APOB: variants seen among roughly 807,000 people sequenced by gnomAD.
APOB encodes the protein apolipoprotein B-100.
APOB carries 153 observed loss-of-function variants against 314.1 expected under a neutral mutation model. The ratio of observed to expected loss-of-function variants is 0.49; its 90% CI spans 0.43 to 0.56. APOB has a LOEUF of 0.56. Among genes scored for constraint, APOB ranks in the 20% least tolerant of loss-of-function variants. The probability of loss-of-function intolerance (pLI) is 0.00; values close to 1 mark genes in which losing one functional copy is unlikely to be tolerated. For missense variants in APOB, 5,430 were observed against 5,350.7 expected (o/e 1.01, Z -0.46); for synonymous variants, 2,087 against 2,036.4 (o/e 1.02, Z -0.67).
At chr2:21,041,699 A>G (rs1664135921) in intron 3 of APOB, among the ~76,000 whole-genome samples, 1 of 152,190 alleles carries the variant, frequency 6.6e-6, no homozygotes, top group Non-Finnish European at 1.5e-5. Context: ...ACGAATATGA[A>G]TTTTTAATTT....
Position 21,007,223 on chromosome 2 carries a change from T to G in APOB, c.9645A>C (p.Ala3215=), listed in dbSNP as rs1572779577. ...DRHFEKNRNN[A]LDFVTKSYNE... is the part of the protein sequence containing the mutation. ...TATAGGATTTGGTGACAAAATCTAA[T>G]GCATTGTTTCTGTTTTTTTCAAAAT... The change falls in exon 26 of 29, where the codon GCA becomes GCC. Residue 3215 remains alanine, a synonymous_variant. Transcript: ENST00000233242. 2.5e-6 allele frequency: 4 copies of G among 1,613,820 alleles called. No individual in the cohort carries two copies. The Admixed American group carries it at 6.7e-5, about 27-fold the overall frequency.
At chr2:21,038,390 G>T (rs1172416793) in intron 4 of APOB, among the ~76,000 whole-genome samples, 1 of 151,616 alleles carries the variant, frequency 6.6e-6, no homozygotes, top group African/African-American at 2.4e-5. Flanking sequence ...GGGCTGGAGT[G>T]CAATGGCGCA....
Position 21,012,060 on chromosome 2 carries a change from T to G in APOB, c.4808A>C (p.Gln1603Pro). The change falls in exon 26 of 29, where the codon CAG (glutamine) becomes CCG (proline). Residue 1603 changes from glutamine (Q) to proline (P), a missense_variant. Physicochemically the swap from Gln to Pro is moderately conservative, Grantham distance 76. Around this residue, in one of 3 missense-constraint regions of APOB, gnomAD observed 2,085 missense variants for 2,079.7 expected, o/e 1.00. Coordinates refer to ENST00000233242, the MANE Select transcript of APOB (RefSeq NM_000384.3). The part of the protein sequence containing the change: ...KQNALLRSEY[Q>P]ADYESLRFFS... Reference sequence around the variant, plus strand: ...GAACCTCAATGACTCGTAATCAGCCTGATATTCAGAACGCAGCAGTGCATT... The same window carrying G: ...GAACCTCAATGACTCGTAATCAGCCGGATATTCAGAACGCAGCAGTGCATT... 6.2e-7 allele frequency: 1 copy of G among 1,614,240 alleles called. No individual in the cohort carries two copies. Among genetic ancestry groups the G allele is most frequent in the Non-Finnish European group, 8.5e-7 (1 of 1,180,046 alleles).
Position 21,006,932 on chromosome 2 carries a change from A to C in APOB, c.9936T>G (p.Asn3312Lys). The change falls in exon 26 of 29, where the codon AAT becomes AAG. Residue 3312 changes from asparagine to lysine, a missense_variant. Coordinates refer to ENST00000233242, the MANE Select transcript of APOB (RefSeq NM_000384.3). ...TGAAATCTGGAAGAGAAAGCTTGAG[A>C]TTTCTAGGGACATGAAGGACTGGCA... ...LELPVLHVPR[N>K]LKLSLPDFKE... 1 of 1,614,070 alleles carries C rather than the reference A, an allele frequency of 6.2e-7. No individual in the cohort carries two copies. The highest frequency in any genetic ancestry group is 2.2e-5 in the East Asian group (1 of 44,884).
intron 17 of APOB, 71 bp from the exon 18 acceptor site, chr2:21,023,113 C>T: frequency 1.5e-6 from 2 of 1,323,758 alleles, no homozygotes; most frequent in Admixed American, 3.4e-5. Context: ...ATCAACCACC[C>T]TTTCTCACCT....
At chr2:21,027,786 T>C in intron 14 of APOB, 42 bp downstream of exon 14, 1 of 1,465,672 alleles carries the variant, frequency 6.8e-7, no homozygotes, top group Non-Finnish European at 9.6e-7. Context: ...TTTATGATGC[T>C]GTACAAAATG....
At chr2:21,017,823 C>A (rs1445549546) in intron 20 of APOB, among the ~76,000 whole-genome samples, 3 of 152,222 alleles carry the variant, frequency 2.0e-5, no homozygotes, top group Non-Finnish European at 4.4e-5. Context: ...GCGTGCCCTG[C>A]TCCTCCAGTG....
intron 4 of APOB, among the ~76,000 whole-genome samples, chr2:21,040,314 G>T (rs374320002): frequency 6.6e-6 from 1 of 152,192 alleles, no homozygotes; most frequent in Admixed American, 6.5e-5. Context: ...TACAGACAGA[G>T]TTTTCTGATG....
chr2:21,036,061 G>T (rs149262007), intron 6 of APOB, among the ~76,000 whole-genome samples: 52 of 152,184 alleles, frequency 3.4e-4, no homozygotes, highest in African/African-American at 1.1e-3. Flanking sequence ...TGCATTTTTT[G>T]GGTTCCTGCT....
Position 21,010,488 on chromosome 2 carries a change from T to G in APOB, c.6380A>C (p.Asn2127Thr). The G allele has an allele frequency of 6.2e-7, 1 of 1,610,816 alleles. No individual in the cohort carries two copies. Among genetic ancestry groups the G allele is most frequent in the East Asian group, 2.2e-5 (1 of 44,806 alleles). ...AACTTGTCTCTCCCAATTGAATGAA[T>G]TCAGATAATCATTAGCTTGCTGTGG... ...KLPQQANDYL[N>T]SFNWERQVSH... is the part of the protein sequence containing the mutation. The change falls in exon 26 of 29, where the codon AAT becomes ACT. Residue 2127 changes from asparagine (N) to threonine (T), a missense_variant. Coordinates refer to ENST00000233242, the MANE Select transcript of APOB (RefSeq NM_000384.3).
At chr2:21,038,451 C>T (rs1664058529) in intron 4 of APOB, among the ~76,000 whole-genome samples, 1 of 152,152 alleles carries the variant, frequency 6.6e-6, no homozygotes, top group Admixed American at 6.5e-5. Flanking sequence ...ATTCTCCTGC[C>T]TCAGCCTCCG....
Position 21,043,541 on chromosome 2 carries a change from C to T in APOB, c.93G>A (p.Met31Ile). Residue 31 changes from methionine (M) to isoleucine (I), a missense_variant, in exon 2 of 29, where the codon ATG becomes ATA. Coordinates refer to ENST00000233242, the MANE Select transcript of APOB (RefSeq NM_000384.3). ...LLAGARAEEE[M>I]LENVSLVCPK... is the part of the protein sequence containing the mutation. ...GACAGACCAGGCTGACATTTTCCAG[C>T]ATTTCCTCTTCTGTAAGACAGGAGA... The T allele has an allele frequency of 3.1e-6, 5 of 1,604,590 alleles. No homozygotes were observed. Among genetic ancestry groups the T allele is most frequent in the Non-Finnish European group, 4.3e-6 (5 of 1,175,654 alleles).
chr2:21,015,230 G>A lies in APOB; in HGVS notation c.3539C>T (p.Thr1180Ile). 6.2e-7 allele frequency: 1 copy of A among 1,614,212 alleles called. No homozygotes were observed. Among genetic ancestry groups the A allele is most frequent in the South Asian group, 1.1e-5 (1 of 91,084 alleles). The part of the protein sequence containing the change: ...DEEKIEFEWN[T>I]GTNVDTKKMT... ...TTTTTTGGTATCTACATTGGTGCCT[G>A]TGTTCCATTCAAATTCAATCTTCTC... Residue 1180 changes from threonine (T) to isoleucine (I), a missense_variant, in exon 23 of 29, where the codon ACA (threonine) becomes ATA (isoleucine). Physicochemically the swap from Thr to Ile is moderately conservative, Grantham distance 89. Around this residue, in one of 3 missense-constraint regions of APOB, gnomAD observed 2,085 missense variants for 2,079.7 expected, o/e 1.00. Transcript: ENST00000233242.
Position 21,026,794 on chromosome 2 carries a change from A to G in APOB, c.2238T>C (p.His746=), listed in dbSNP as rs1663740834. The change falls in exon 15 of 29, where the codon CAT becomes CAC. Residue 746 remains histidine (H), a synonymous_variant. Transcript: ENST00000233242. ...ATACTTCACAAATACACACCTGCTC[A>G]TGTTTATCATCTTTGGTATAGCCAA... is the stretch of plus-strand genomic sequence containing the variant. The part of the protein sequence containing the change: ...DHFGYTKDDK[H]EQDMVNGIML... 2 of 1,613,250 alleles carry G rather than the reference A, an allele frequency of 1.2e-6. No homozygotes were observed. The highest frequency in any genetic ancestry group is 1.7e-6 in the Non-Finnish European group (2 of 1,179,208).
intron 10 of APOB, among the ~76,000 whole-genome samples, chr2:21,030,239 G>A (rs535170241): frequency 6.6e-6 from 1 of 152,234 alleles, no homozygotes; most frequent in Admixed American, 6.5e-5. Context: ...GCATGGTACT[G>A]GCATAAAAAT....
intron 18 of APOB, among the ~76,000 whole-genome samples, chr2:21,021,220 C>T (rs1446954364): frequency 6.6e-6 from 1 of 152,116 alleles, no homozygotes; most frequent in Non-Finnish European, 1.5e-5. Context: ...TGAAGGGCGC[C>T]TCCTTCCTCT....
rs1663385678 is a variant in APOB, at chr2:21,013,420, G to A, written c.3956C>T (p.Pro1319Leu). The change falls in exon 25 of 29, where the codon CCA becomes CTA. Residue 1319 changes from proline to leucine, a missense_variant. By Grantham distance (98) the Pro-to-Leu change is moderately conservative. Around this residue, in one of 3 missense-constraint regions of APOB, gnomAD observed 2,085 missense variants for 2,079.7 expected, o/e 1.00. Transcript: ENST00000233242. The stretch of plus-strand genomic sequence containing the variant: ...TCCCACAGACTTGAAGTGGAGGGCT[G>A]GTGTCCTAACAGTCTCTAACATCTT... Reference protein sequence around the residue: ...DLKMLETVRTPALHFKSVGFH... With the variant: ...DLKMLETVRTLALHFKSVGFH... The A allele has an allele frequency of 2.5e-6, 4 of 1,614,184 alleles. No homozygotes were observed. Among genetic ancestry groups the A allele is most frequent in the Non-Finnish European group, 3.4e-6 (4 of 1,180,036 alleles).
rs777387134 is a variant in APOB at position 21,010,831 on chromosome 2, T to G, written c.6037A>C (p.Thr2013Pro). The change falls in exon 26 of 29, where the codon ACT becomes CCT. Residue 2013 changes from threonine (T) to proline (P), a missense_variant. By Grantham distance (38) the Thr-to-Pro change is conservative. Around this residue, in one of 3 missense-constraint regions of APOB, gnomAD observed 3,281 missense variants for 3,171.0 expected, o/e 1.03. Transcript: ENST00000233242. ...DKIGVELTGR[T>P]LADLTLLDSP... ...TCTAGTAGAGTTAGGTCAGCCAGAGTTCGTCCAGTAAGCTCCACGCCAATT... is the reference window on the plus strand; with the variant it reads ...TCTAGTAGAGTTAGGTCAGCCAGAGGTCGTCCAGTAAGCTCCACGCCAATT... 1 of 1,614,016 alleles carries G rather than the reference T, an allele frequency of 6.2e-7. No individual in the cohort carries two copies. The highest frequency in any genetic ancestry group is 1.1e-5 in the South Asian group (1 of 91,066).
Position 21,011,900 on chromosome 2 carries a change from T to G in APOB, c.4968A>C (p.Ala1656=). The change falls in exon 26 of 29, where the codon GCA becomes GCC. Residue 1656 remains alanine, a synonymous_variant. Coordinates refer to ENST00000233242, the MANE Select transcript of APOB (RefSeq NM_000384.3). ...GGAGACTACACTTCAAGTTGGTCGT[T>G]GCACTGGTAGATATTCCATCTTGGC... ...RIGQDGISTS[A]TTNLKCSLLV... 1 of 1,614,006 alleles carries G rather than the reference T, an allele frequency of 6.2e-7. No homozygotes were observed. The highest frequency in any genetic ancestry group is 8.5e-7 in the Non-Finnish European group (1 of 1,180,026).
Sources: allele counts gnomAD v4.1 joint callset (sites outside exome capture counted in the v4.1 genomes callset), GRCh38; gene constraint gnomAD v4.1.1; regional missense constraint gnomAD v4.1.1; transcripts MANE v1.5; gene names NCBI Gene and HGNC (gene_info 2026-07-23, HGNC 2026-07-21).